ZC3H7A: variants seen among roughly 807,000 people sequenced by gnomAD.
ZC3H7A encodes zinc finger CCCH domain-containing protein 7A.
Under a neutral mutation model 125.5 loss-of-function variants are expected in ZC3H7A, and 44 were observed. The observed-to-expected ratio is 0.35, with a 90% confidence interval of 0.28 to 0.45. The LOEUF (loss-of-function observed/expected upper bound fraction) is 0.45. ZC3H7A is among the 20% of genes least tolerant of loss of function. The probability of loss-of-function intolerance (pLI) is 1.00; values close to 1 mark genes in which losing one functional copy is unlikely to be tolerated. For synonymous variants in ZC3H7A, 399 were observed against 391.2 expected, an observed-to-expected ratio of 1.02 and a Z score of -0.23; for missense variants, 977 against 1,170.7, an observed-to-expected ratio of 0.83 and a Z score of 2.41.
chr16:11,779,999 T>C (rs2053148647), intron 3 of ZC3H7A, among the ~76,000 whole-genome samples: 1 of 152,166 alleles, frequency 6.6e-6, no homozygotes, highest in Admixed American at 6.5e-5. Context: ...TTTACTGATT[T>C]GGGGGGAGGG....
chr16:11,751,878 ATTACTTAGTTTTTCACT>A (rs1418757039), intron 22 of ZC3H7A, among the ~76,000 whole-genome samples: 2 of 150,586 alleles, frequency 1.3e-5, no homozygotes, highest in Non-Finnish European at 3.0e-5. Flanking sequence ...GCAATTCAGA[ATTACTTAGTTTTTCACT>A]GAAAAACCTT....
At chr16:11,761,346 A>G (rs1361376056) in intron 19 of ZC3H7A, 60 bp downstream of exon 19, 41 of 1,470,854 alleles carry the variant, frequency 2.8e-5, no homozygotes, top group East Asian at 2.0e-4. Context: ...AATTACTACT[A>G]TTTTCTAATG....
In ZC3H7A at chr16:11,756,383, G is replaced by C; in HGVS notation, c.2429-13C>G. The C allele has an allele frequency of 6.2e-7, 1 of 1,605,328 alleles. No homozygotes were observed. On this transcript the variant is annotated splice_polypyrimidine_tract_variant and intron_variant, in intron 20 of 22. Coordinates refer to ENST00000355758, the MANE Select transcript of ZC3H7A (RefSeq NM_014153.4). Reference sequence around the variant, plus strand: ...TCCATATCTTGTACTAAAGAAAAATGAATTACTTTCAGCAGCAGCAACTAA... The same window carrying C: ...TCCATATCTTGTACTAAAGAAAAATCAATTACTTTCAGCAGCAGCAACTAA...
chr16:11,774,164 A>C, intron 9 of ZC3H7A, 72 bp downstream of exon 9: 2 of 1,393,538 alleles, frequency 1.4e-6, no homozygotes, highest in South Asian at 3.8e-5. Context: ...GAAAAAGTCT[A>C]TCAAGTTATA....
At chr16:11,763,897 G>A (rs537044348) in intron 15 of ZC3H7A, among the ~76,000 whole-genome samples, 90 of 148,760 alleles carry the variant, frequency 6.1e-4, no homozygotes, top group African/African-American at 2.0e-3. Flanking sequence ...TCCGCCTTCC[G>A]GGTTCACACC....
intron 9 of ZC3H7A, among the ~76,000 whole-genome samples, chr16:11,772,371 C>T (rs1007244106): frequency 6.6e-6 from 1 of 151,582 alleles, no homozygotes; most frequent in African/African-American, 2.4e-5. Flanking sequence ...TCCCCAGGCC[C>T]CATCAAAGCT....
intron 20 of ZC3H7A, among the ~76,000 whole-genome samples, chr16:11,756,709 C>T (rs560825444): frequency 6.4e-4 from 97 of 152,340 alleles, no homozygotes; most frequent in Non-Finnish European, 8.8e-4. Flanking sequence ...TGTCGCCCTA[C>T]GTTCCACACT....
At chr16:11,771,862 C>A (rs755130682) in intron 9 of ZC3H7A, among the ~76,000 whole-genome samples, 2 of 152,076 alleles carry the variant, frequency 1.3e-5, no homozygotes, top group Non-Finnish European at 2.9e-5. Flanking sequence ...CTTCCTTATG[C>A]TTCCCTGCCC....
Position 11,795,975 on chromosome 16 carries a change from C to T in ZC3H7A, c.-35+1149G>A, listed in dbSNP as rs552391504. ...AGCTTCCCGAGTAGCTGACTACCGG[C>T]GTGCGCCACCACGCCCAGTTAATTT... On this transcript the variant is annotated intron_variant, in intron 1 of 22. Transcript: ENST00000355758. Among the ~76,000 whole-genome samples, 32 of 152,148 alleles carry T rather than the reference C, an allele frequency of 2.1e-4. No individual in the cohort carries two copies. In the South Asian group the frequency reaches 6.4e-3, roughly 31 times the overall value.
intron 22 of ZC3H7A, 38 bp downstream of exon 22, chr16:11,752,631 G>A: frequency 6.3e-7 from 1 of 1,584,186 alleles, no homozygotes; most frequent in Non-Finnish European, 8.6e-7. Context: ...TTTGAGGTCA[G>A]CAATTCTGAC....
chr16:11,779,347 A>G lies in ZC3H7A; in HGVS notation c.125T>C (p.Leu42Pro). The stretch of plus-strand genomic sequence containing the variant: ...TCCTTCATTAAAAAGATTTCTCACG[A>G]GAGCACGCAAATATACCTAAAAAAA... Reference protein sequence around the residue: ...QEQYAVYLRALVRNLFNEGND... With the variant: ...QEQYAVYLRAPVRNLFNEGND... The change falls in exon 4 of 23, where the codon CTC becomes CCC. Residue 42 changes from leucine to proline, a missense_variant. Leu to Pro is a moderately conservative substitution (Grantham distance 98). Coordinates refer to ENST00000355758, the MANE Select transcript of ZC3H7A (RefSeq NM_014153.4). The G allele has an allele frequency of 6.2e-7, 1 of 1,613,552 alleles. No individual in the cohort carries two copies. The highest frequency in any genetic ancestry group is 8.5e-7 in the Non-Finnish European group (1 of 1,179,868).
intron 1 of ZC3H7A, among the ~76,000 whole-genome samples, chr16:11,784,358 G>A (rs2053221486): frequency 6.6e-6 from 1 of 151,782 alleles, no homozygotes; most frequent in Non-Finnish European, 1.5e-5. Context: ...ATTTATAAAT[G>A]TTTTCTAAAA....
chr16:11,775,275 G>A (rs1035924517), intron 7 of ZC3H7A, among the ~76,000 whole-genome samples: 2 of 151,996 alleles, frequency 1.3e-5, no homozygotes, highest in South Asian at 2.1e-4. Context: ...GGAGGCTGAG[G>A]CAAGAGAACT....
intron 1 of ZC3H7A, among the ~76,000 whole-genome samples, chr16:11,787,670 G>A (rs1025295817): frequency 5.3e-5 from 8 of 152,136 alleles, no homozygotes; most frequent in African/African-American, 1.9e-4. Flanking sequence ...GACTGGCCAG[G>A]CACAGTGGCT....
At chr16:11,761,356 G>A (rs1360462013) in intron 19 of ZC3H7A, 50 bp downstream of exon 19, 2 of 1,519,058 alleles carry the variant, frequency 1.3e-6, no homozygotes, top group East Asian at 2.3e-5. Context: ...ATTTTCTAAT[G>A]ATTTGAAATG....
chr16:11,784,953 G>T (rs1333438506), intron 1 of ZC3H7A, among the ~76,000 whole-genome samples: 1 of 151,934 alleles, frequency 6.6e-6, no homozygotes, highest in Admixed American at 6.6e-5. Context: ...GAGGTCAGGA[G>T]TTCCAGACCA....
intron 11 of ZC3H7A, among the ~76,000 whole-genome samples, 188 bp downstream of exon 11, chr16:11,768,843 T>C (rs1413385476): frequency 2.0e-5 from 3 of 152,220 alleles, no homozygotes; most frequent in Non-Finnish European, 4.4e-5. Flanking sequence ...ATTAATTTGC[T>C]ATGACAGATC....
At chr16:11,766,999 A>T (rs1457851505) in intron 13 of ZC3H7A, among the ~76,000 whole-genome samples, 1 of 151,398 alleles carries the variant, frequency 6.6e-6, no homozygotes, top group Non-Finnish European at 1.5e-5. Flanking sequence ...CTGTTATAAT[A>T]ACATAATGTA....
rs1439876436 is a variant in ZC3H7A at position 11,776,817 on chromosome 16, T to C, written c.399A>G (p.Leu133=). Residue 133 remains leucine (L), a synonymous_variant, in exon 5 of 23, where the codon TTA becomes TTG. Coordinates refer to ENST00000355758, the MANE Select transcript of ZC3H7A (RefSeq NM_014153.4). ...CKALYRKSKA[L]SDLGRYKKAY... is the part of the protein sequence containing the mutation. Reference sequence around the variant, plus strand: ...CCTTTTTGTATCTTCCTAAATCACTTAAAGCCTTAGATTTCCGATACAGAG... The same window carrying C: ...CCTTTTTGTATCTTCCTAAATCACTCAAAGCCTTAGATTTCCGATACAGAG... The C allele has an allele frequency of 1.2e-6, 2 of 1,613,966 alleles. No homozygotes were observed. Among genetic ancestry groups the C allele is most frequent in the Non-Finnish European group, 1.7e-6 (2 of 1,179,944 alleles).
Sources: gnomAD v4.1 joint callset for allele counts (sites outside exome capture counted in the v4.1 genomes callset) on GRCh38, gnomAD v4.1.1 for gene constraint, MANE v1.5 for transcripts, NCBI Gene and HGNC (gene_info 2026-07-23, HGNC 2026-07-21) for gene names.